The following PRKCQ variants were observed in gnomAD, a reference collection of about 807,000 sequenced individuals.
PRKCQ encodes protein kinase C theta.
A neutral mutation model predicts 91.2 loss-of-function variants in PRKCQ; 41 were observed. The observed-to-expected ratio is 0.45, with a 90% CI of 0.35 to 0.58. PRKCQ has a LOEUF of 0.58. Ranked by LOEUF, PRKCQ falls within the 20% of genes least tolerant of loss-of-function variation. The pLI, the probability that PRKCQ is intolerant of heterozygous loss-of-function variation, is 0.00. For missense variants in PRKCQ, 673 were observed against 896.5 expected, an observed-to-expected ratio of 0.75 and a Z score of 3.18; for synonymous variants, 307 against 316.9, an observed-to-expected ratio of 0.97 and a Z score of 0.33.
chr10:6,450,649 A>G (rs948845757), intron 15 of PRKCQ, among the ~76,000 whole-genome samples: 2 of 151,688 alleles, frequency 1.3e-5, no homozygotes, highest in African/African-American at 4.8e-5. Flanking sequence ...CACCACACCT[A>G]TTCCAAAATT....
At chr10:6,561,037 T>TC (rs1554784139) in intron 1 of PRKCQ, among the ~76,000 whole-genome samples, 1 of 28,692 alleles carries the variant, frequency 3.5e-5, no homozygotes, top group Non-Finnish European at 1.2e-4. Flanking sequence ...AGACTCCATT[T>TC]CAAAAAAAAA....
At chr10:6,451,093 A>C (rs2132290484) in intron 15 of PRKCQ, among the ~76,000 whole-genome samples, 1 of 151,374 alleles carries the variant, frequency 6.6e-6, no homozygotes, top group African/African-American at 2.4e-5. Flanking sequence ...GAACTGAAGG[A>C]AATAGAGACA....
chr10:6,409,487 G>T, the PRKCQ span, among the ~76,000 whole-genome samples: 9 of 151,984 alleles, frequency 5.9e-5, no homozygotes, highest in African/African-American at 2.2e-4. Flanking sequence ...TAGAGATGGG[G>T]TTTCACCAAG....
Position 6,428,031 on chromosome 10 carries a change from G to A in PRKCQ, c.*176C>T. On this transcript the variant is annotated 3_prime_UTR_variant, in exon 18 of 18. Transcript: ENST00000263125. ...GACGAGACACACGGCATCGTCATTA[G>A]TGAAGTAGACTTGGTTTCTGCTACA... 1 of 721,664 alleles carries A rather than the reference G, an allele frequency of 1.4e-6. No homozygotes were observed. Among genetic ancestry groups the A allele is most frequent in the South Asian group, 1.9e-5 (1 of 53,698 alleles). 44.7% of individuals were successfully genotyped at this position (721,664 alleles called of 1,614,324 possible).
chr10:6,394,186 T>C, the PRKCQ span, among the ~76,000 whole-genome samples: 12 of 152,346 alleles, frequency 7.9e-5, no homozygotes, highest in Admixed American at 4.6e-4. Flanking sequence ...TCCTTATCTT[T>C]GGTGATAAGC....
At chr10:6,560,992 T>C (rs1014550054) in intron 1 of PRKCQ, among the ~76,000 whole-genome samples, 3 of 151,020 alleles carry the variant, frequency 2.0e-5, no homozygotes, top group African/African-American at 4.9e-5. Context: ...TGAGCCGAGA[T>C]TGCACCACTG....
Position 6,486,104 on chromosome 10 carries a change from C to A in PRKCQ, c.831G>T (p.Val277=). Residue 277 remains valine, a synonymous_variant, in exon 9 of 18, where the codon GTG becomes GTT. Transcript: ENST00000263125. ...MNVHHRCQTK[V]ANLCGINQKL... Reference sequence around the variant, plus strand: ...TCTGGTTTATGCCACAAAGGTTGGCCACCTTTGTCTGGCATCTATGATGCA... The same window carrying A: ...TCTGGTTTATGCCACAAAGGTTGGCAACCTTTGTCTGGCATCTATGATGCA... 2 of 1,614,208 alleles carry A rather than the reference C, an allele frequency of 1.2e-6. No homozygotes were observed. The highest frequency in any genetic ancestry group is 1.7e-6 in the Non-Finnish European group (2 of 1,180,034).
chr10:6,458,415 TG>T (rs1255661333), intron 14 of PRKCQ, among the ~76,000 whole-genome samples: 1 of 152,102 alleles, frequency 6.6e-6, no homozygotes, highest in Non-Finnish European at 1.5e-5. Context: ...TTACACCCTA[TG>T]GGGCATCAGG....
chr10:6,402,760 A>G, the PRKCQ span, among the ~76,000 whole-genome samples: 3 of 152,158 alleles, frequency 2.0e-5, no homozygotes, highest in Non-Finnish European at 4.4e-5. Context: ...AAGTACAAAA[A>G]TTAGCCAAGT....
At chr10:6,537,813 T>A (rs566439507) in intron 1 of PRKCQ, among the ~76,000 whole-genome samples, 51 of 152,198 alleles carry the variant, frequency 3.4e-4, no homozygotes, top group Non-Finnish European at 7.2e-4. Context: ...CATTTTGACT[T>A]TGATACTTGC....
chr10:6,533,319 T>G (rs946822099), intron 1 of PRKCQ, among the ~76,000 whole-genome samples: 17 of 152,210 alleles, frequency 1.1e-4, no homozygotes, highest in African/African-American at 4.1e-4. Flanking sequence ...TGTCTCAGCC[T>G]CCCGAGTAGC....
In PRKCQ at chr10:6,483,670, A is replaced by ATTCTAGTTAC. The variant is rs1836739406; in HGVS notation, c.1019-71_1019-70insGTAACTAGAA. On this transcript the variant is annotated intron_variant, in intron 10 of 17. Coordinates refer to ENST00000263125, the MANE Select transcript of PRKCQ (RefSeq NM_006257.5). ...AGGTCATTCTAGTTACTGAGAGCAC[A>ATTCTAGTTAC]TGCTTTCTCTTCTACTTCCCATGCT... 1.9e-6 allele frequency: 3 copies of ATTCTAGTTAC among 1,548,360 alleles called. No individual in the cohort carries two copies. The Admixed American group carries it at 5.5e-5, about 28-fold the overall frequency.
intron 1 of PRKCQ, among the ~76,000 whole-genome samples, chr10:6,571,847 A>G (rs184922206): frequency 2.9e-4 from 44 of 152,110 alleles, no homozygotes; most frequent in African/African-American, 1.0e-3. Flanking sequence ...CCAAGAAACA[A>G]ACAAACAGGA....
intron 16 of PRKCQ, 112 bp downstream of exon 16, chr10:6,441,781 T>G: frequency 8.9e-7 from 1 of 1,129,796 alleles, no homozygotes; most frequent in South Asian, 1.7e-5. Flanking sequence ...TTAAACCCAG[T>G]TCAATAATAA....
intron 16 of PRKCQ, among the ~76,000 whole-genome samples, chr10:6,440,080 T>A (rs1833894205): frequency 1.3e-5 from 2 of 152,328 alleles, no homozygotes; most frequent in South Asian, 4.1e-4. Flanking sequence ...GGCTTCCCCC[T>A]TCCCGCTTGG....
the PRKCQ span, among the ~76,000 whole-genome samples, chr10:6,404,078 TGA>T: frequency 9.9e-5 from 15 of 152,082 alleles, no homozygotes; most frequent in Non-Finnish European, 2.1e-4. Context: ...TTCTAATAAC[TGA>T]GAGACAATTT....
At chr10:6,541,065 TA>T (rs1401292957) in intron 1 of PRKCQ, among the ~76,000 whole-genome samples, 1 of 152,194 alleles carries the variant, frequency 6.6e-6, no homozygotes, top group Admixed American at 6.5e-5. Flanking sequence ...AAGCAGAAGG[TA>T]AAAGTTCTAG....
At position 6,439,264 on chromosome 10, in the gene PRKCQ, C is replaced by T. The variant is rs80096732; in HGVS notation, c.1836+2629G>A. Among the ~76,000 whole-genome samples, 1,453 of 152,236 alleles carry T rather than the reference C, an allele frequency of 9.5e-3. 23 individuals carry two copies. Among genetic ancestry groups the T allele is most frequent in the African/African-American group, 0.033 (1,374 of 41,516 alleles). On this transcript the variant is annotated intron_variant, in intron 16 of 17. Transcript: ENST00000263125. ...GGATCCTGGGCTACCACGGATAGGGCGCTGAATTCCGTTTTGATGGTGAAT... is the reference window on the plus strand; with the variant it reads ...GGATCCTGGGCTACCACGGATAGGGTGCTGAATTCCGTTTTGATGGTGAAT...
intron 14 of PRKCQ, among the ~76,000 whole-genome samples, chr10:6,460,038 A>T (rs1203789997): frequency 2.6e-5 from 4 of 152,236 alleles, no homozygotes; most frequent in African/African-American, 9.6e-5. Context: ...ACTTATTATA[A>T]GGCAACTTAT....
Sources: gnomAD v4.1 joint callset for allele counts (sites outside exome capture counted in the v4.1 genomes callset) on GRCh38, gnomAD v4.1.1 for gene constraint, MANE v1.5 for transcripts, NCBI Gene and HGNC (gene_info 2026-07-23, HGNC 2026-07-21) for gene names.